TRPM1: variants seen among roughly 807,000 people sequenced by gnomAD.
The protein encoded by TRPM1 is TRPM1-203 APA Isoform, Intron 10.
A neutral mutation model predicts 149.4 loss-of-function variants in TRPM1; 113 were observed. That is an observed-to-expected ratio of 0.76 (90% confidence interval 0.65 to 0.88). The LOEUF (loss-of-function observed/expected upper bound fraction) is 0.88, where lower values mean the gene tolerates loss of function less well. Ranked by LOEUF, TRPM1 falls within the 40% of genes least tolerant of loss-of-function variation. The pLI, the probability that TRPM1 is intolerant of heterozygous loss-of-function variation, is 0.00. For synonymous variants in TRPM1, 741 were observed against 759.5 expected, an observed-to-expected ratio of 0.98 and a Z score of 0.40; for missense variants, 1,976 against 2,038.7, an observed-to-expected ratio of 0.97 and a Z score of 0.59.
chr15:31,071,980 CATATATA>C (rs2034556438), intron 3 of TRPM1, among the ~76,000 whole-genome samples: 1 of 77,290 alleles, frequency 1.3e-5, no homozygotes, highest in African/African-American at 6.4e-5. Flanking sequence ...AAAAAAAAAA[CATATATA>C]TATATATATA....
intron 1 of TRPM1, among the ~76,000 whole-genome samples, chr15:31,156,635 C>T (rs147172247): frequency 1.8e-3 from 277 of 152,260 alleles, no homozygotes; most frequent in African/African-American, 6.5e-3. Flanking sequence ...ATTTCCAGGC[C>T]GAACCAGTGT....
Position 31,145,052 on chromosome 15 carries a change from G to A in TRPM1, c.54+15854C>T, listed in dbSNP as rs1029255773. ...TTTGAGTTTTTATTATCTGTCTGTA[G>A]ACTGGACTAGATTCTAACTTCTTCT... On this transcript the variant is annotated intron_variant, in intron 1 of 26. Transcript: ENST00000542188. Among the ~76,000 whole-genome samples the A allele has an allele frequency of 5.3e-5, 8 of 152,112 alleles. No homozygotes were observed. The South Asian group carries it at 1.7e-3, about 32-fold the overall frequency.
chr15:31,035,752 G>A lies in TRPM1; in HGVS notation c.2572-78C>T. 3 of 1,596,006 alleles carry A rather than the reference G, an allele frequency of 1.9e-6. No homozygotes were observed. In the East Asian group the frequency reaches 6.7e-5, roughly 36 times the overall value. ...AATTTTGAAACGCTGTTTTCTTTCA[G>A]GTTGACACATCTAAAAGAATCTTTG... On this transcript the variant is annotated intron_variant, in intron 20 of 27. Coordinates refer to ENST00000256552, the MANE Select transcript of TRPM1 (RefSeq NM_001252024.2).
At chr15:31,017,890 T>C (rs2032422952) in intron 27 of TRPM1, among the ~76,000 whole-genome samples, 2 of 152,346 alleles carry the variant, frequency 1.3e-5, no homozygotes, top group East Asian at 1.9e-4. Context: ...TATTGGACTT[T>C]GCATAGACTC....
intron 1 of TRPM1, among the ~76,000 whole-genome samples, chr15:31,127,209 A>G (rs1036414580): frequency 6.6e-6 from 1 of 152,072 alleles, no homozygotes; most frequent in Non-Finnish European, 1.5e-5. Flanking sequence ...GCCATTGCAA[A>G]GCTTATCTCG....
intron 2 of TRPM1, 75 bp from the exon 3 acceptor site, chr15:31,077,059 A>G: frequency 1.1e-6 from 1 of 917,092 alleles, no homozygotes; most frequent in East Asian, 2.5e-5. Context: ...TTATACCTTT[A>G]TAAAACAATA....
chr15:31,051,405 C>T (rs1438097548), intron 11 of TRPM1, among the ~76,000 whole-genome samples: 5 of 152,240 alleles, frequency 3.3e-5, no homozygotes, highest in African/African-American at 9.6e-5. Flanking sequence ...CTCCTGCACG[C>T]ACCCTGCTGC....
At chr15:31,084,217 C>T (rs1307453127) in intron 1 of TRPM1, among the ~76,000 whole-genome samples, 6 of 152,196 alleles carry the variant, frequency 3.9e-5, no homozygotes, top group African/African-American at 1.4e-4. Context: ...ATATAATCCA[C>T]ATACCCTAAA....
chr15:31,134,423 G>A (rs2036061781), intron 1 of TRPM1, among the ~76,000 whole-genome samples: 1 of 152,050 alleles, frequency 6.6e-6, no homozygotes, highest in Non-Finnish European at 1.5e-5. Flanking sequence ...CACCATAGAA[G>A]TTACCCTTTT....
At chr15:31,015,986 C>A (rs2032343482) in intron 27 of TRPM1, among the ~76,000 whole-genome samples, 1 of 152,078 alleles carries the variant, frequency 6.6e-6, no homozygotes, top group South Asian at 2.1e-4. Context: ...ACCCCAAATG[C>A]CAAGGCATTT....
chr15:31,046,253 G>GA lies in TRPM1; in HGVS notation c.1765-21dup, dbSNP rs746346039. On this transcript the variant is annotated intron_variant, in intron 15 of 27. Coordinates refer to ENST00000256552, the MANE Select transcript of TRPM1 (RefSeq NM_001252024.2). Reference sequence around the variant, plus strand: ...TTTAGGCTGCATGGTGAAAGAGGAAGAAAAAAAATCAATTTACTTAGATAA... The same window carrying GA: ...TTTAGGCTGCATGGTGAAAGAGGAAGAAAAAAAAATCAATTTACTTAGATAA... 9.4e-5 allele frequency: 152 copies of GA among 1,608,504 alleles called. No homozygotes were observed. The highest frequency in any genetic ancestry group is 6.6e-4 in the Middle Eastern group (4 of 6,068).
chr15:31,117,665 T>TACAC (rs56686910), intron 1 of TRPM1, among the ~76,000 whole-genome samples: 10,535 of 135,550 alleles, frequency 0.078, 543 homozygotes, highest in Non-Finnish European at 0.099. Context: ...AAAAAAAAAA[T>TACAC]ACACACACAC....
intron 16 of TRPM1, among the ~76,000 whole-genome samples, chr15:31,045,460 C>G (rs2033737006): frequency 6.6e-6 from 1 of 152,176 alleles, no homozygotes; most frequent in Admixed American, 6.5e-5. Flanking sequence ...TTCTCCCTTT[C>G]TTGGGTATTC....
intron 17 of TRPM1, 25 bp downstream of exon 17, chr15:31,041,926 C>T: frequency 6.2e-7 from 1 of 1,613,960 alleles, no homozygotes; most frequent in East Asian, 2.2e-5. Context: ...CTCTCCTGGC[C>T]TTTAAATCCC....
chr15:31,002,167 C>T lies in TRPM1; in HGVS notation c.4533G>A (p.Val1511=), dbSNP rs2031794579. The change falls in exon 28 of 28, where the codon GTG becomes GTA. Residue 1511 remains valine, a synonymous_variant. Coordinates refer to ENST00000256552, the MANE Select transcript of TRPM1 (RefSeq NM_001252024.2). ...GCTCAGCTTGCACTGCAGCTTCCGACACAATGTAAGGAATATCTGTGCTAT... is the reference window on the plus strand; with the variant it reads ...GCTCAGCTTGCACTGCAGCTTCCGATACAATGTAAGGAATATCTGTGCTAT... The part of the protein sequence containing the change: ...RSHSTDIPYI[V]SEAAVQAEHK... The T allele has an allele frequency of 2.5e-6, 4 of 1,614,246 alleles. No individual in the cohort carries two copies. The highest frequency in any genetic ancestry group is 3.4e-6 in the Non-Finnish European group (4 of 1,180,050).
rs1438575542 is a variant in TRPM1, at chr15:31,060,635, A to G, written c.1172T>C (p.Val391Ala). 6.2e-7 allele frequency: 1 copy of G among 1,614,078 alleles called. No homozygotes were observed. The highest frequency in any genetic ancestry group is 1.1e-5 in the South Asian group (1 of 91,042). Residue 391 changes from valine (V) to alanine (A), a missense_variant, in exon 11 of 28, where the codon GTA becomes GCA. Transcript: ENST00000256552. ...ILTALLKGTN[V>A]SAPDQLSLAL... ...CAAGCTCAGCTGATCTGGAGCAGAT[A>G]CGTTTGTTCCTGGAAAGGCAAGAAA...
intron 1 of TRPM1, among the ~76,000 whole-genome samples, chr15:31,098,771 G>A (rs2035450242): frequency 6.6e-6 from 1 of 152,010 alleles, no homozygotes; most frequent in South Asian, 2.1e-4. Context: ...GACACAGGAT[G>A]GATAAGTTGT....
intron 1 of TRPM1, among the ~76,000 whole-genome samples, chr15:31,147,210 C>T (rs1301696629): frequency 6.6e-6 from 1 of 152,198 alleles, no homozygotes; most frequent in Non-Finnish European, 1.5e-5. Flanking sequence ...ATCACTGGAT[C>T]CCCAGCTCCA....
intron 1 of TRPM1, among the ~76,000 whole-genome samples, chr15:31,096,867 C>T (rs1229075229): frequency 1.3e-5 from 2 of 152,160 alleles, no homozygotes; most frequent in Non-Finnish European, 2.9e-5. Flanking sequence ...GGACCCAAGC[C>T]TCCTGGCCCT....
Sources: allele counts gnomAD v4.1 joint callset (sites outside exome capture counted in the v4.1 genomes callset), GRCh38; gene constraint gnomAD v4.1.1; transcripts MANE v1.5; gene names NCBI Gene and HGNC (gene_info 2026-07-23, HGNC 2026-07-21).